THSD7B: variants seen among roughly 807,000 people sequenced by gnomAD.
The protein encoded by THSD7B is thrombospondin type-1 domain-containing protein 7B.
A neutral mutation model predicts 213.6 loss-of-function variants in THSD7B; 138 were observed. The ratio of observed to expected loss-of-function variants is 0.65; its 90% confidence interval spans 0.56 to 0.74. THSD7B has a LOEUF of 0.74. THSD7B is among the 30% of genes least tolerant of loss of function. The pLI is 0.00. For synonymous variants in THSD7B, 742 were observed against 687.0 expected (o/e 1.08, Z -1.25); for missense variants, 1,931 against 1,991.5 (o/e 0.97, Z 0.58).
At chr2:136,783,725 T>C (rs1050575154) in intron 1 of THSD7B, among the ~76,000 whole-genome samples, 1 of 152,186 alleles carries the variant, frequency 6.6e-6, no homozygotes, top group Admixed American at 6.5e-5. Context: ...GTGTGGGAAT[T>C]GTAATTTGCA....
chr2:137,574,249 C>A (rs1351969510), intron 17 of THSD7B, among the ~76,000 whole-genome samples: 2 of 152,000 alleles, frequency 1.3e-5, no homozygotes, highest in African/African-American at 4.8e-5. Flanking sequence ...GTTTAGCATT[C>A]TGTGTTTGCT....
At chr2:137,428,177 A>G (rs192909645) in intron 14 of THSD7B, among the ~76,000 whole-genome samples, 35 of 152,254 alleles carry the variant, frequency 2.3e-4, no homozygotes, top group Admixed American at 2.0e-3. Context: ...CAAAGACAAT[A>G]CAAAAATGGC....
intron 12 of THSD7B, among the ~76,000 whole-genome samples, chr2:137,317,144 T>C (rs1684129971): frequency 1.3e-5 from 2 of 152,158 alleles, no homozygotes; most frequent in African/African-American, 4.8e-5. Context: ...TTTTTTTTCC[T>C]GTTCTTTTAT....
At chr2:137,120,949 A>G (rs1209708647) in intron 5 of THSD7B, among the ~76,000 whole-genome samples, 2 of 152,190 alleles carry the variant, frequency 1.3e-5, no homozygotes, top group Non-Finnish European at 2.9e-5. Context: ...TATTCTCTCT[A>G]AAAATATAAT....
At chr2:137,167,912 A>C (rs1186899536) in intron 6 of THSD7B, among the ~76,000 whole-genome samples, 1 of 152,198 alleles carries the variant, frequency 6.6e-6, no homozygotes, top group Non-Finnish European at 1.5e-5. Context: ...CAATATCCAC[A>C]GGAGCCGACT....
In THSD7B at chr2:137,203,732, ATGAAATGTAGAATC is replaced by A. The variant is rs1383966185; in HGVS notation, c.1724-27310_1724-27297del. Among the ~76,000 whole-genome samples, 5 of 151,982 alleles carry A rather than the reference ATGAAATGTAGAATC, an allele frequency of 3.3e-5. No homozygotes were observed. The East Asian group carries it at 9.6e-4, about 29-fold the overall frequency. On this transcript the variant is annotated intron_variant, in intron 7 of 27. Coordinates refer to ENST00000409968, the MANE Select transcript of THSD7B (RefSeq NM_001316349.2). ...GGTGTGTTTGTGTATGTGTGTGTGTATGAAATGTAGAATCTATTTAACTTCAGAAAATAGAATAT... is the reference window on the plus strand; with the variant it reads ...GGTGTGTTTGTGTATGTGTGTGTGTATATTTAACTTCAGAAAATAGAATAT...
At chr2:137,316,587 C>A (rs967077046) in intron 12 of THSD7B, among the ~76,000 whole-genome samples, 1 of 151,812 alleles carries the variant, frequency 6.6e-6, no homozygotes, top group African/African-American at 2.4e-5. Flanking sequence ...CACAGTGAAA[C>A]CCTGTCTCTA....
At chr2:136,918,736 C>G (rs1393989764) in intron 2 of THSD7B, among the ~76,000 whole-genome samples, 2 of 152,202 alleles carry the variant, frequency 1.3e-5, no homozygotes. Flanking sequence ...AGGAAGCAAT[C>G]TGGCCTTTTC....
chr2:137,288,804 T>C (rs1020379453), intron 12 of THSD7B, among the ~76,000 whole-genome samples: 3 of 151,412 alleles, frequency 2.0e-5, no homozygotes, highest in Non-Finnish European at 4.4e-5. Flanking sequence ...TATATATATA[T>C]ATATATATTA....
chr2:137,150,167 G>A (rs1025140390), intron 5 of THSD7B, among the ~76,000 whole-genome samples: 8 of 151,828 alleles, frequency 5.3e-5, no homozygotes, highest in African/African-American at 7.3e-5. Flanking sequence ...ATTTGAACCC[G>A]GGAGGCAGAG....
At chr2:137,640,239 A>T (rs1311468273) in intron 20 of THSD7B, among the ~76,000 whole-genome samples, 1 of 152,114 alleles carries the variant, frequency 6.6e-6, no homozygotes, top group Non-Finnish European at 1.5e-5. Context: ...TGATGGGTTT[A>T]TCAGGGGTTT....
intron 15 of THSD7B, among the ~76,000 whole-genome samples, chr2:137,507,243 A>G (rs1347507922): frequency 1.3e-5 from 2 of 152,188 alleles, no homozygotes; most frequent in Non-Finnish European, 2.9e-5. Context: ...TCTTCAAACC[A>G]CAGAAAATAG....
At chr2:137,456,677 G>A (rs1314540748) in intron 15 of THSD7B, among the ~76,000 whole-genome samples, 2 of 152,160 alleles carry the variant, frequency 1.3e-5, no homozygotes, top group African/African-American at 4.8e-5. Flanking sequence ...CAGGTGTACT[G>A]TTCTTACATG....
At position 136,998,365 on chromosome 2, in the gene THSD7B, G is replaced by A. The variant is rs140867206; in HGVS notation, c.140-58055G>A. On this transcript the variant is annotated intron_variant, in intron 2 of 27. Coordinates refer to ENST00000409968, the MANE Select transcript of THSD7B (RefSeq NM_001316349.2). ...TTTTCCCTTTGTTTTTCACTGGGTA[G>A]GAATATGCTTTTCTGTCTGTTTTAG... is the stretch of plus-strand genomic sequence containing the variant. Among the ~76,000 whole-genome samples the A allele has an allele frequency of 3.7e-3, 563 of 151,862 alleles. 7 individuals carry two copies. The highest frequency in any genetic ancestry group is 6.8e-3 in the Middle Eastern group (2 of 292).
At chr2:137,095,610 C>T (rs2104919534) in intron 4 of THSD7B, among the ~76,000 whole-genome samples, 1 of 152,334 alleles carries the variant, frequency 6.6e-6, no homozygotes, top group East Asian at 1.9e-4. Context: ...TCAAATCTTA[C>T]TGCCGCTATG....
At chr2:137,313,455 T>G (rs1245512382) in intron 12 of THSD7B, among the ~76,000 whole-genome samples, 2 of 151,908 alleles carry the variant, frequency 1.3e-5, no homozygotes, top group Non-Finnish European at 2.9e-5. Context: ...CTTGACTCTT[T>G]ATCCAATTTG....
chr2:136,855,717 C>T (rs1430434348), intron 1 of THSD7B, among the ~76,000 whole-genome samples: 1 of 151,904 alleles, frequency 6.6e-6, no homozygotes, highest in Non-Finnish European at 1.5e-5. Context: ...GGTGATCTGC[C>T]CGCCTGGGCC....
Position 137,057,163 on chromosome 2 carries a change from A to G in THSD7B, c.883A>G (p.Ile295Val), listed in dbSNP as rs1687184963. Residue 295 changes from isoleucine (I) to valine (V), a missense_variant, in exon 3 of 28, where the codon ATA becomes GTA. By Grantham distance (29) the Ile-to-Val change is conservative. Transcript: ENST00000409968. ...KAHHHSKSWA[I>V]EIGYQTRQVS... Reference sequence around the variant, plus strand: ...ACATCATCATTCGAAGTCTTGGGCAATAGAGATAGGTTATCAAACCCGGCA... The same window carrying G: ...ACATCATCATTCGAAGTCTTGGGCAGTAGAGATAGGTTATCAAACCCGGCA... The G allele has an allele frequency of 1.9e-6, 3 of 1,613,962 alleles. No homozygotes were observed. The highest frequency in any genetic ancestry group is 1.3e-5 in the African/African-American group (1 of 75,032).
intron 2 of THSD7B, among the ~76,000 whole-genome samples, chr2:137,016,057 C>G (rs1385668555): frequency 6.6e-6 from 1 of 152,164 alleles, no homozygotes; most frequent in African/African-American, 2.4e-5. Flanking sequence ...AACATTTGTT[C>G]AGTGCTTACT....
Sources: gnomAD v4.1 joint callset for allele counts (sites outside exome capture counted in the v4.1 genomes callset) on GRCh38, gnomAD v4.1.1 for gene constraint, MANE v1.5 for transcripts, NCBI Gene and HGNC (gene_info 2026-07-23, HGNC 2026-07-21) for gene names.